The following ABCG2 variants were observed in gnomAD, a reference collection of about 807,000 sequenced individuals.
The protein encoded by ABCG2 is broad substrate specificity ATP-binding cassette transporter ABCG2.
In ABCG2, 80 loss-of-function variants were observed where a neutral mutation model predicts 73.5. That is an observed-to-expected ratio of 1.09 (90% CI 0.91 to 1.31). The LOEUF is 1.31. ABCG2 is among the 50% of genes most tolerant of loss of function. ABCG2 has a pLI of 0.00. For missense variants in ABCG2, 796 were observed against 786.2 expected (o/e 1.01, Z -0.15); for synonymous variants, 269 against 282.4 (o/e 0.95, Z 0.48).
At chr4:88,122,480 TG>T (rs1334505767) in intron 5 of ABCG2, among the ~76,000 whole-genome samples, 10 of 151,964 alleles carry the variant, frequency 6.6e-5, no homozygotes, top group Admixed American at 6.6e-4. Flanking sequence ...TTGAGCTTGG[TG>T]GGGGGAGGGG....
rs1432224866 is a variant in ABCG2, at chr4:88,230,018, G to C, written c.-20+976C>G. 4.6e-5 allele frequency among the ~76,000 whole-genome samples: 5 copies of C among 109,542 alleles called. No homozygotes were observed. In the East Asian group the frequency reaches 1.2e-3, roughly 26 times the overall value. The allele number at this position is 109,542 out of a possible 152,430, so 71.9% of individuals were successfully genotyped here. A position where few individuals can be genotyped will look rare whatever the true frequency, so the allele number is the denominator to read the frequency against. ...TATTATTATTATTATTAGAGACAGA[G>C]TTTCGCTCTTGTCACCCAGGCTGGA... On this transcript the variant is annotated intron_variant, in intron 1 of 15. Coordinates refer to the ABCG2 transcript ENST00000515655.
chr4:88,149,116 G>A (rs369465434), intron 1 of ABCG2, among the ~76,000 whole-genome samples: 24 of 152,300 alleles, frequency 1.6e-4, no homozygotes, highest in African/African-American at 5.8e-4. Flanking sequence ...TTGTGAGGCT[G>A]AGGAAGGGGG....
intron 6 of ABCG2, among the ~76,000 whole-genome samples, chr4:88,120,416 C>T (rs934022964): frequency 1.3e-5 from 2 of 152,188 alleles, no homozygotes; most frequent in Non-Finnish European, 2.9e-5. Context: ...GGAAAAGCCA[C>T]AGACACTCAA....
At chr4:88,197,931 G>T (rs1015498828) in intron 1 of ABCG2, among the ~76,000 whole-genome samples, 1 of 151,036 alleles carries the variant, frequency 6.6e-6, no homozygotes, top group African/African-American at 2.4e-5. Flanking sequence ...TTGGCAGGAT[G>T]AGGCATGATA....
In ABCG2 at chr4:88,137,473, A is replaced by C. The variant is rs1725332518; in HGVS notation, c.203+2320T>G. On this transcript the variant is annotated intron_variant, in intron 2 of 15. Coordinates refer to ENST00000237612, the MANE Select transcript of ABCG2 (RefSeq NM_004827.3). Reference sequence around the variant, plus strand: ...AGACATCAACATGACCAAGTGATCAATTTTAACATCACCAGGGGTGGGATG... The same window carrying C: ...AGACATCAACATGACCAAGTGATCACTTTTAACATCACCAGGGGTGGGATG... 2.0e-5 allele frequency among the ~76,000 whole-genome samples: 3 copies of C among 152,216 alleles called. No individual in the cohort carries two copies. In the South Asian group the frequency reaches 6.2e-4, roughly 32 times the overall value.
In ABCG2 at chr4:88,114,974, CTGTT is replaced by C. The variant is rs773914585; in HGVS notation, c.922_925del (p.Asn308GlufsTer11). ...TCATATACCTTTAAAGTCTTCTTCT[CTGTT>C]TAATGCCACAGCAGTGGAATCTCCA... On this transcript the variant is annotated frameshift_variant, in exon 8 of 16. Transcript: ENST00000237612. LOFTEE classifies it high-confidence loss of function. 6.2e-7 allele frequency: 1 copy of C among 1,611,324 alleles called. No individual in the cohort carries two copies. The highest frequency in any genetic ancestry group is 1.1e-5 in the South Asian group (1 of 90,766).
At chr4:88,145,012 C>T (rs1220874687) in intron 1 of ABCG2, among the ~76,000 whole-genome samples, 1 of 150,990 alleles carries the variant, frequency 6.6e-6, no homozygotes, top group East Asian at 1.9e-4. Flanking sequence ...CTTCAGCCTG[C>T]CACCTGCCCA....
chr4:88,230,164 T>C (rs1730396522), intron 1 of ABCG2, among the ~76,000 whole-genome samples: 1 of 149,576 alleles, frequency 6.7e-6, no homozygotes, highest in African/African-American at 2.5e-5. Context: ...AGCTAATTGT[T>C]GTATTTTTAG....
At chr4:88,214,566 C>G (rs1309655723) in intron 1 of ABCG2, among the ~76,000 whole-genome samples, 1 of 152,034 alleles carries the variant, frequency 6.6e-6, no homozygotes, top group Non-Finnish European at 1.5e-5. Flanking sequence ...AATCTATATA[C>G]TAAGAGAGTT....
At chr4:88,217,691 G>A (rs1729864300) in intron 1 of ABCG2, among the ~76,000 whole-genome samples, 2 of 151,942 alleles carry the variant, frequency 1.3e-5, no homozygotes, top group South Asian at 4.2e-4. Context: ...TGGATGCATG[G>A]GACTAAACAT....
At position 88,114,953 on chromosome 4, in the gene ABCG2, AT is replaced by A; in HGVS notation, c.943+3del. 6.3e-7 allele frequency: 1 copy of A among 1,598,378 alleles called. No individual in the cohort carries two copies. Among genetic ancestry groups the A allele is most frequent in the East Asian group, 2.2e-5 (1 of 44,578 alleles). On this transcript the variant is annotated splice_donor_region_variant and intron_variant, in intron 8 of 15. Coordinates refer to ENST00000237612, the MANE Select transcript of ABCG2 (RefSeq NM_004827.3). ...AAATCTGGGACTGTAACAGATTCAT[AT>A]ACCTTTAAAGTCTTCTTCTCTGTTT...
intron 1 of ABCG2, among the ~76,000 whole-genome samples, chr4:88,185,117 C>A (rs182613917): frequency 1.3e-5 from 2 of 152,152 alleles, no homozygotes; most frequent in Non-Finnish European, 2.9e-5. Context: ...AATCCCTACA[C>A]TTTGGGAGGT....
upstream of ABCG2, chr4:88,163,800 CA>C: frequency 2.9e-6 from 1 of 339,452 alleles, no homozygotes; most frequent in Admixed American, 3.5e-5. Context: ...CTGTCTGGGC[CA>C]AAGGAATAAG....
rs1240838682 is a variant in ABCG2, at chr4:88,216,847, T to A, written c.-20+14147A>T. On this transcript the variant is annotated intron_variant, in intron 1 of 15. Transcript: ENST00000515655. ...GAGTTCAAGACCAGCCTGACCAAAA[T>A]GGCGAAACCCCCCTCTCTACTAAAA... Among the ~76,000 whole-genome samples the A allele has an allele frequency of 2.0e-5, 3 of 151,944 alleles. No homozygotes were observed. The East Asian group carries it at 5.8e-4, about 29-fold the overall frequency.
At chr4:88,096,099 A>G (rs955356881) in intron 13 of ABCG2, among the ~76,000 whole-genome samples, 2 of 152,196 alleles carry the variant, frequency 1.3e-5, no homozygotes, top group Admixed American at 6.5e-5. Flanking sequence ...TGACTTTAGC[A>G]AGGATATGAG....
At chr4:88,212,998 C>T (rs1232808736) in intron 1 of ABCG2, among the ~76,000 whole-genome samples, 1 of 152,028 alleles carries the variant, frequency 6.6e-6, no homozygotes, top group African/African-American at 2.4e-5. Flanking sequence ...AACTCTGGGG[C>T]CCAAATGATC....
At chr4:88,222,226 G>A (rs781622574) in intron 1 of ABCG2, among the ~76,000 whole-genome samples, 14 of 152,328 alleles carry the variant, frequency 9.2e-5, no homozygotes, top group South Asian at 4.1e-4. Context: ...GGGAACCTCC[G>A]CCTACATTTT....
chr4:88,114,411 G>C (rs141786433), intron 8 of ABCG2, among the ~76,000 whole-genome samples: 2,242 of 152,168 alleles, frequency 0.015, 57 homozygotes, highest in African/African-American at 0.051. Flanking sequence ...AGGATCACTT[G>C]AGGTCAGGAG....
At chr4:88,114,356 G>A (rs1723377323) in intron 8 of ABCG2, among the ~76,000 whole-genome samples, 1 of 152,144 alleles carries the variant, frequency 6.6e-6, no homozygotes, top group African/African-American at 2.4e-5. Context: ...GCCAGGGGCG[G>A]TGGCTCACAC....
Sources: gnomAD v4.1 joint callset for allele counts (sites outside exome capture counted in the v4.1 genomes callset) on GRCh38, gnomAD v4.1.1 for gene constraint, MANE v1.5 for transcripts, NCBI Gene and HGNC (gene_info 2026-07-23, HGNC 2026-07-21) for gene names.